RERE: variants seen among roughly 807,000 people sequenced by gnomAD.
The protein encoded by RERE is arginine-glutamic acid dipeptide repeats.
RERE carries 40 observed loss-of-function variants against 146.1 expected under a neutral mutation model. That is an observed-to-expected ratio of 0.27 (90% CI 0.21 to 0.36). The LOEUF is 0.36. Ranked by LOEUF, RERE falls within the 10% of genes least tolerant of loss-of-function variation. The pLI, the probability that RERE is intolerant of heterozygous loss-of-function variation, is 1.00. For synonymous variants in RERE, 1,003 were observed against 866.0 expected (o/e 1.16, Z -2.78); for missense variants, 1,933 against 2,138.7 (o/e 0.90, Z 1.90).
intron 1 of RERE, among the ~76,000 whole-genome samples, chr1:8,783,474 C>T (rs1433701806): frequency 1.3e-5 from 2 of 152,106 alleles, no homozygotes; most frequent in East Asian, 3.9e-4. Context: ...TGATAGCCTC[C>T]CACCTATCTC....
chr1:8,687,065 A>C (rs954675625), intron 1 of RERE, among the ~76,000 whole-genome samples: 1 of 152,252 alleles, frequency 6.6e-6, no homozygotes, highest in African/African-American at 2.4e-5. Context: ...GGAAGCAGAG[A>C]AATCAGCAAT....
At chr1:8,478,982 C>T (rs1301455815) in intron 10 of RERE, among the ~76,000 whole-genome samples, 1 of 152,142 alleles carries the variant, frequency 6.6e-6, no homozygotes, top group Non-Finnish European at 1.5e-5. Context: ...CATAAGGAAG[C>T]CAAATACTCC....
intron 4 of RERE, among the ~76,000 whole-genome samples, chr1:8,604,598 AAGGG>A (rs796662731): frequency 0.019 from 1,552 of 80,430 alleles, 93 homozygotes; most frequent in South Asian, 0.06. Flanking sequence ...GGAAGGAAGG[AAGGG>A]AGGGAGGGAG....
At chr1:8,378,829 A>G (rs1344247834) in intron 12 of RERE, among the ~76,000 whole-genome samples, 1 of 152,220 alleles carries the variant, frequency 6.6e-6, no homozygotes, top group East Asian at 1.9e-4. Flanking sequence ...CCAGCAGAGA[A>G]GTGAGGCCTG....
chr1:8,482,485 T>C (rs1644847924), intron 10 of RERE, among the ~76,000 whole-genome samples: 1 of 151,660 alleles, frequency 6.6e-6, no homozygotes, highest in African/African-American at 2.4e-5. Flanking sequence ...ATCAAGACCA[T>C]CCTGGCTAAC....
chr1:8,620,428 A>C (rs1413567500), intron 3 of RERE, among the ~76,000 whole-genome samples: 1 of 152,030 alleles, frequency 6.6e-6, no homozygotes. Flanking sequence ...GCCAGCCCTA[A>C]CCTTGCTCTT....
At chr1:8,519,267 CAACAAAAAT>C (rs1389988957) in intron 7 of RERE, among the ~76,000 whole-genome samples, 1 of 151,912 alleles carries the variant, frequency 6.6e-6, no homozygotes, top group Non-Finnish European at 1.5e-5. Context: ...ACAACAAAAA[CAACAAAAAT>C]TAAAAATTAG....
intron 1 of RERE, among the ~76,000 whole-genome samples, chr1:8,696,340 C>T (rs979732273): frequency 2.6e-5 from 4 of 152,170 alleles, no homozygotes; most frequent in African/African-American, 9.7e-5. Context: ...AGGCTGGGTA[C>T]GGTAGCTCGC....
At chr1:8,790,248 G>A (rs894606473) in intron 1 of RERE, among the ~76,000 whole-genome samples, 5 of 152,062 alleles carry the variant, frequency 3.3e-5, no homozygotes, top group African/African-American at 9.7e-5. Context: ...GTACTGAAAC[G>A]CGAGATAGTT....
At chr1:8,416,405 GA>G (rs577715082) in intron 12 of RERE, among the ~76,000 whole-genome samples, 153 of 152,024 alleles carry the variant, frequency 1.0e-3, no homozygotes, top group East Asian at 6.4e-3. Context: ...TTAACATGGT[GA>G]AAACCCCGTC....
chr1:8,741,233 C>G (rs1286144818), intron 1 of RERE, among the ~76,000 whole-genome samples: 1 of 152,202 alleles, frequency 6.6e-6, no homozygotes, highest in Non-Finnish European at 1.5e-5. Context: ...ACCATAATTC[C>G]TTATTAACTA....
At position 8,423,479 on chromosome 1, in the gene RERE, C is replaced by T; in HGVS notation, c.1204-672G>A. On this transcript the variant is annotated intron_variant, in intron 11 of 22. Coordinates refer to ENST00000400908, the MANE Select transcript of RERE (RefSeq NM_001042681.2). The surrounding 1 kb of genome is among the most constrained non-coding windows in gnomAD (Gnocchi z 5.4). ...CAGCAGACTCGTCCCTAACCCCAGC[C>T]CGGAGACTTTCACTTTGTCCCATGC... 1.1e-6 allele frequency: 1 copy of T among 941,568 alleles called. No homozygotes were observed. The highest frequency in any genetic ancestry group is 1.3e-6 in the Non-Finnish European group (1 of 789,682). 58.3% of individuals were successfully genotyped at this position (941,568 alleles called of 1,614,324 possible). A position where few individuals can be genotyped will look rare whatever the true frequency, so the allele number is the denominator to read the frequency against.
At chr1:8,497,960 A>C (rs1645067770) in intron 8 of RERE, among the ~76,000 whole-genome samples, 1 of 152,272 alleles carries the variant, frequency 6.6e-6, no homozygotes, top group African/African-American at 2.4e-5. Context: ...ATTTGCTAAA[A>C]AATTAAGTGA....
chr1:8,617,589 G>A (rs1308951202), intron 3 of RERE, among the ~76,000 whole-genome samples: 3 of 152,174 alleles, frequency 2.0e-5, no homozygotes, highest in Admixed American at 6.5e-5. Flanking sequence ...AAGAGAAGAA[G>A]GAGCTATAGA....
intron 12 of RERE, among the ~76,000 whole-genome samples, chr1:8,411,070 T>C (rs1643601938): frequency 6.6e-6 from 1 of 152,148 alleles, no homozygotes; most frequent in South Asian, 2.1e-4. Flanking sequence ...TTTGGAGAAA[T>C]AATAACTAGA....
At chr1:8,745,557 G>T (rs1272793627) in intron 1 of RERE, among the ~76,000 whole-genome samples, 6 of 152,056 alleles carry the variant, frequency 3.9e-5, no homozygotes, top group Non-Finnish European at 7.4e-5. Flanking sequence ...TGATCGCCTG[G>T]CTAAACTGCA....
chr1:8,559,061 A>G (rs1331234815), intron 4 of RERE, among the ~76,000 whole-genome samples: 1 of 151,328 alleles, frequency 6.6e-6, no homozygotes, highest in African/African-American at 2.4e-5. Flanking sequence ...CGGCCTCCCA[A>G]TCTGCTGGGA....
intron 4 of RERE, among the ~76,000 whole-genome samples, chr1:8,568,411 T>C (rs1406249000): frequency 6.6e-6 from 1 of 152,224 alleles, no homozygotes; most frequent in Non-Finnish European, 1.5e-5. Context: ...TTTGTCACCC[T>C]CAGAAACTCA....
At chr1:8,564,011 T>C (rs1316003499) in intron 4 of RERE, among the ~76,000 whole-genome samples, 1 of 152,186 alleles carries the variant, frequency 6.6e-6, no homozygotes, top group Non-Finnish European at 1.5e-5. Context: ...CCTTCAAGTG[T>C]GCTCACCAAC....
Sources: allele counts gnomAD v4.1 joint callset (sites outside exome capture counted in the v4.1 genomes callset), GRCh38; gene constraint gnomAD v4.1.1; non-coding constraint Gnocchi (gnomAD v3.1); transcripts MANE v1.5; gene names NCBI Gene and HGNC (gene_info 2026-07-23, HGNC 2026-07-21).